Variants in DNM1L observed in about 807,000 individuals in gnomAD.
DNM1L encodes the protein dynamin-1-like protein.
In DNM1L, 33 loss-of-function variants were observed where a neutral mutation model predicts 92.8. The observed-to-expected ratio is 0.36, with a 90% CI of 0.27 to 0.48. The LOEUF (loss-of-function observed/expected upper bound fraction) is 0.48. Ranked by LOEUF, DNM1L falls within the 20% of genes least tolerant of loss-of-function variation. The probability of loss-of-function intolerance (pLI) is 0.99; values close to 1 mark genes in which losing one functional copy is unlikely to be tolerated. For synonymous variants in DNM1L, 284 were observed against 305.0 expected (o/e 0.93, Z 0.72); for missense variants, 485 against 888.8 (o/e 0.55, Z 5.78).
intron 1 of DNM1L, among the ~76,000 whole-genome samples, chr12:32,684,328 C>T (rs909930350): frequency 6.6e-6 from 1 of 152,174 alleles, no homozygotes; most frequent in African/African-American, 2.4e-5. Flanking sequence ...TTTTAAAATG[C>T]ATGATACTGG....
In DNM1L at chr12:32,743,803, A is replaced by G. The variant is rs77298476; in HGVS notation, c.*393A>G. ...CCTCCAAGAAGAAAGCACCAAGACA[A>G]CATTTCATATGACTATAATGCATGT... On this transcript the variant is annotated 3_prime_UTR_variant, in exon 20 of 20. Transcript: ENST00000549701. 78 of 234,602 alleles carry G rather than the reference A, an allele frequency of 3.3e-4. No homozygotes were observed. The highest frequency in any genetic ancestry group is 1.6e-3 in the African/African-American group (72 of 44,322). The allele number at this position is 234,602 out of a possible 1,614,324, so 14.5% of individuals were successfully genotyped here. A position where few individuals can be genotyped will look rare whatever the true frequency, so the allele number is the denominator to read the frequency against.
In DNM1L at chr12:32,720,705, C is replaced by G; in HGVS notation, c.782C>G (p.Ser261Ter). 1 of 1,613,826 alleles carries G rather than the reference C, an allele frequency of 6.2e-7. No homozygotes were observed. Among genetic ancestry groups the G allele is most frequent in the Non-Finnish European group, 8.5e-7 (1 of 1,179,868 alleles). The part of the protein sequence containing the change: ...DINNKKSVTD[S>*]IRDEYAFLQK... ...AACAACAAGAAGAGTGTAACTGATT[C>G]AATCCGTGATGAGTATGCTTTTCTT... The change falls in exon 8 of 20, where the codon TCA becomes TGA. Residue 261 changes from serine to a stop codon, truncating the protein, a stop_gained. Coordinates refer to ENST00000549701, the MANE Select transcript of DNM1L (RefSeq NM_012062.5). LOFTEE classifies it high-confidence loss of function.
chr12:32,693,627 C>T (rs568260807), intron 1 of DNM1L, among the ~76,000 whole-genome samples: 1 of 152,090 alleles, frequency 6.6e-6, no homozygotes, highest in Non-Finnish European at 1.5e-5. Flanking sequence ...CAACCATCAC[C>T]TTAAACTTTT....
chr12:32,707,521 C>T (rs940408007), intron 3 of DNM1L, 108 bp downstream of exon 3: 1 of 729,666 alleles, frequency 1.4e-6, no homozygotes, highest in Non-Finnish European at 2.2e-6. Flanking sequence ...TTTAAAGTAA[C>T]TATAACTATT....
chr12:32,683,859 A>C (rs1213257684), intron 1 of DNM1L, among the ~76,000 whole-genome samples: 1 of 152,020 alleles, frequency 6.6e-6, no homozygotes, highest in East Asian at 1.9e-4. Flanking sequence ...TTGTATTTTT[A>C]GTAGAGACAG....
chr12:32,695,402 A>G (rs907915787), intron 1 of DNM1L, among the ~76,000 whole-genome samples: 3 of 152,232 alleles, frequency 2.0e-5, no homozygotes, highest in Non-Finnish European at 4.4e-5. Context: ...AGAAGACACT[A>G]CAATGATAAG....
Position 32,701,410 on chromosome 12 carries a change from T to C in DNM1L, c.103-5T>C. The C allele has an allele frequency of 6.2e-7, 1 of 1,613,828 alleles. No homozygotes were observed. The highest frequency in any genetic ancestry group is 8.5e-7 in the Non-Finnish European group (1 of 1,179,730). On this transcript the variant is annotated splice_region_variant and splice_polypyrimidine_tract_variant and intron_variant, in intron 1 of 19. Transcript: ENST00000549701. ...ATTTTGCTCTTGTATATATTCTGTT[T>C]TCAGAGCAGCGGAAAGAGCTCAGTG...
intron 6 of DNM1L, among the ~76,000 whole-genome samples, chr12:32,718,311 T>C (rs1370766959): frequency 6.6e-6 from 1 of 151,270 alleles, no homozygotes; most frequent in Non-Finnish European, 1.5e-5. Flanking sequence ...CTGGCTAATT[T>C]TTGTATTTTT....
intron 5 of DNM1L, among the ~76,000 whole-genome samples, chr12:32,712,759 T>C (rs1953190888): frequency 6.6e-6 from 1 of 151,274 alleles, no homozygotes; most frequent in African/African-American, 2.4e-5. Flanking sequence ...CTGTATACTA[T>C]ATATATGTTT....
At chr12:32,689,874 A>G (rs1952168459) in intron 1 of DNM1L, among the ~76,000 whole-genome samples, 1 of 152,244 alleles carries the variant, frequency 6.6e-6, no homozygotes, top group Non-Finnish European at 1.5e-5. Context: ...AAATCCCAAT[A>G]CAGTGCAGTT....
chr12:32,712,601 G>C (rs1472697326), intron 5 of DNM1L, among the ~76,000 whole-genome samples: 1 of 119,786 alleles, frequency 8.3e-6, no homozygotes, highest in Non-Finnish European at 1.6e-5. Flanking sequence ...AGTGAGCTAT[G>C]ATCGCACCAC....
chr12:32,699,804 A>G (rs202129149), intron 1 of DNM1L, among the ~76,000 whole-genome samples: 20,269 of 146,742 alleles, frequency 0.14, 1,482 homozygotes, highest in Middle Eastern at 0.19. Flanking sequence ...CTCAAAAAAA[A>G]AAAAAAAAAA....
chr12:32,697,224 C>CT (rs961311605), intron 1 of DNM1L, among the ~76,000 whole-genome samples: 20 of 151,778 alleles, frequency 1.3e-4, no homozygotes, highest in African/African-American at 4.6e-4. Flanking sequence ...GCGAGACTCT[C>CT]TAAAAAAATA....
intron 1 of DNM1L, among the ~76,000 whole-genome samples, chr12:32,684,700 C>T (rs1951934354): frequency 6.6e-6 from 1 of 152,194 alleles, no homozygotes; most frequent in Non-Finnish European, 1.5e-5. Flanking sequence ...AACTCCTGAC[C>T]TCAAGTGATC....
intron 16 of DNM1L, among the ~76,000 whole-genome samples, chr12:32,739,586 G>A (rs1955138108): frequency 6.6e-6 from 1 of 152,198 alleles, no homozygotes; most frequent in African/African-American, 2.4e-5. Context: ...TATTAGAAAT[G>A]TAAATTGAGA....
At chr12:32,684,732 G>C (rs1951935834) in intron 1 of DNM1L, among the ~76,000 whole-genome samples, 1 of 152,180 alleles carries the variant, frequency 6.6e-6, no homozygotes, top group Non-Finnish European at 1.5e-5. Context: ...GCTTCCCAAA[G>C]TGCTGGGATT....
chr12:32,687,005 T>G (rs796742322), intron 1 of DNM1L, among the ~76,000 whole-genome samples: 44 of 142,386 alleles, frequency 3.1e-4, no homozygotes, highest in African/African-American at 1.1e-3. Flanking sequence ...GGTCTTGAAC[T>G]CCTGACCTCA....
chr12:32,743,538 A>G lies in DNM1L; in HGVS notation c.*128A>G, dbSNP rs151027335. 6.8e-4 allele frequency: 581 copies of G among 858,204 alleles called. 10 individuals are homozygous for G. In the East Asian group the frequency reaches 0.015, roughly 21 times the overall value. The allele number at this position is 858,204 out of a possible 1,614,324, so 53.2% of individuals were successfully genotyped here. A position where few individuals can be genotyped will look rare whatever the true frequency, so the allele number is the denominator to read the frequency against. ...GAATCTGCTCATGTGGAGACTGGCT[A>G]TAAACTGAAAAGTGTATTCCAAATT... On this transcript the variant is annotated 3_prime_UTR_variant, in exon 20 of 20. Transcript: ENST00000549701.
intron 1 of DNM1L, among the ~76,000 whole-genome samples, chr12:32,699,906 A>C (rs1344753668): frequency 6.6e-6 from 1 of 151,878 alleles, no homozygotes. Context: ...TCTTCTTTGC[A>C]GTCTGGCAGT....
Sources: gnomAD v4.1 joint callset for allele counts (sites outside exome capture counted in the v4.1 genomes callset) on GRCh38, gnomAD v4.1.1 for gene constraint, MANE v1.5 for transcripts, NCBI Gene and HGNC (gene_info 2026-07-23, HGNC 2026-07-21) for gene names.